The following ROBO1 variants were observed in gnomAD, a reference collection of about 807,000 sequenced individuals.
ROBO1 encodes roundabout guidance receptor 1.
A neutral mutation model predicts 195.9 loss-of-function variants in ROBO1; 149 were observed. That is an observed-to-expected ratio of 0.76 (90% CI 0.67 to 0.87). The LOEUF (loss-of-function observed/expected upper bound fraction) is 0.87, where lower values mean the gene tolerates loss of function less well. Among genes scored for constraint, ROBO1 ranks in the 40% least tolerant of loss-of-function variants. ROBO1 has a pLI of 0.00. For synonymous variants in ROBO1, 816 were observed against 733.2 expected, an observed-to-expected ratio of 1.11 and a Z score of -1.82; for missense variants, 1,933 against 2,068.3, an observed-to-expected ratio of 0.93 and a Z score of 1.27.
chr3:78,656,968 T>C (rs184429910), intron 18 of ROBO1, 130 bp downstream of exon 18: 2 of 823,986 alleles, frequency 2.4e-6, no homozygotes, highest in Non-Finnish European at 3.6e-6. Context: ...AACACCTTTT[T>C]GTAGCTCTAA....
rs149774371 is a variant in ROBO1 at position 79,433,782 on chromosome 3, C to T, written c.88+156042G>A. ...CAAAAGAACAAAGCTGGAGGCATCA[C>T]GCTATCTGACTTCAAACTATACTAC... is the stretch of plus-strand genomic sequence containing the variant. On this transcript the variant is annotated intron_variant, in intron 2 of 30. Transcript: ENST00000464233. Among the ~76,000 whole-genome samples the T allele has an allele frequency of 6.1e-3, 933 of 152,254 alleles. 3 individuals carry two copies. The highest frequency in any genetic ancestry group is 0.01 in the Non-Finnish European group (687 of 68,012).
chr3:78,759,939 G>A (rs1410612741), intron 4 of ROBO1, among the ~76,000 whole-genome samples: 2 of 152,198 alleles, frequency 1.3e-5, no homozygotes, highest in African/African-American at 4.8e-5. Flanking sequence ...TATGGAGAGT[G>A]AGAATCTGGA....
At chr3:79,223,059 G>A (rs1217616620) in intron 2 of ROBO1, among the ~76,000 whole-genome samples, 1 of 152,102 alleles carries the variant, frequency 6.6e-6, no homozygotes, top group East Asian at 1.9e-4. Flanking sequence ...GTACTAATTG[G>A]AAGAGGGACA....
intron 1 of ROBO1, among the ~76,000 whole-genome samples, chr3:79,623,820 A>G (rs1033157155): frequency 2.6e-5 from 4 of 152,206 alleles, no homozygotes; most frequent in Non-Finnish European, 4.4e-5. Context: ...AGACGGGACA[A>G]CATGCAAATT....
chr3:79,097,713 A>G (rs1370735425), intron 3 of ROBO1, among the ~76,000 whole-genome samples: 3 of 151,772 alleles, frequency 2.0e-5, no homozygotes, highest in Admixed American at 1.3e-4. Context: ...AAAAAGCATC[A>G]TTAAGCAAGA....
chr3:79,098,517 A>G (rs976665825), intron 3 of ROBO1, among the ~76,000 whole-genome samples: 3 of 151,750 alleles, frequency 2.0e-5, no homozygotes, highest in Non-Finnish European at 4.4e-5. Context: ...CCCTTAAAGC[A>G]AAACACACAT....
intron 7 of ROBO1, chr3:78,714,816 A>G (rs2108054558): frequency 1.2e-5 from 3 of 257,088 alleles, no homozygotes; most frequent in East Asian, 1.6e-4. Context: ...GATAGTGACC[A>G]TTAATTAAAT....
chr3:79,557,741 A>ATATATATAT (rs1487088851), intron 2 of ROBO1, among the ~76,000 whole-genome samples: 2 of 105,972 alleles, frequency 1.9e-5, no homozygotes, highest in East Asian at 2.0e-4. Flanking sequence ...AAAACAAAAA[A>ATATATATAT]AAATATATAT....
At chr3:79,651,350 TATG>T (rs1946000943) in intron 1 of ROBO1, among the ~76,000 whole-genome samples, 1 of 152,148 alleles carries the variant, frequency 6.6e-6, no homozygotes, top group Admixed American at 6.6e-5. Context: ...TATGAATATT[TATG>T]ATATTTTTCT....
In ROBO1 at chr3:79,618,956, C is replaced by A. The variant is rs35031538; in HGVS notation, c.-50-28995G>T. On this transcript the variant is annotated intron_variant, in intron 1 of 30. Coordinates refer to ENST00000464233, the MANE Select transcript of ROBO1 (RefSeq NM_002941.4). The stretch of plus-strand genomic sequence containing the variant: ...GGACCCAAAACTCCAGCGCCAGTCA[C>A]GAACTCAGGAAGACAGTCTTCCCTT... Among the ~76,000 whole-genome samples, 161 of 152,168 alleles carry A rather than the reference C, an allele frequency of 1.1e-3. 1 individual carries two copies. Among genetic ancestry groups the A allele is most frequent in the African/African-American group, 3.5e-3 (144 of 41,486 alleles).
intron 2 of ROBO1, among the ~76,000 whole-genome samples, chr3:79,352,147 A>G (rs1327150562): frequency 6.6e-6 from 1 of 152,170 alleles, no homozygotes; most frequent in Non-Finnish European, 1.5e-5. Flanking sequence ...ATCCCATCAA[A>G]CTTAGATTTT....
intron 2 of ROBO1, among the ~76,000 whole-genome samples, chr3:79,433,025 T>C (rs1478054865): frequency 6.6e-6 from 1 of 152,200 alleles, no homozygotes; most frequent in Non-Finnish European, 1.5e-5. Context: ...AATGTCCAAC[T>C]TCTATTTGAA....
intron 2 of ROBO1, among the ~76,000 whole-genome samples, chr3:79,515,138 A>G (rs1940889037): frequency 6.6e-6 from 1 of 152,164 alleles, no homozygotes; most frequent in East Asian, 1.9e-4. Flanking sequence ...TTCATGGCTC[A>G]TGGCAGCATG....
intron 2 of ROBO1, among the ~76,000 whole-genome samples, chr3:79,186,093 T>C (rs1209997836): frequency 1.3e-5 from 2 of 152,114 alleles, no homozygotes; most frequent in Non-Finnish European, 2.9e-5. Flanking sequence ...GTGACCCTGC[T>C]ACTTAGTGAC....
intron 8 of ROBO1, among the ~76,000 whole-genome samples, chr3:78,704,867 G>C (rs548215823): frequency 6.6e-6 from 1 of 152,008 alleles, no homozygotes; most frequent in African/African-American, 2.4e-5. Flanking sequence ...CATTCACACA[G>C]TATGTTACAT....
intron 2 of ROBO1, among the ~76,000 whole-genome samples, chr3:79,583,923 T>G (rs2107797278): frequency 6.6e-6 from 1 of 152,104 alleles, no homozygotes; most frequent in East Asian, 1.9e-4. Context: ...TGACTCTAGA[T>G]ATTGCCAAGG....
Position 78,611,466 on chromosome 3 carries a change from C to T in ROBO1, c.4435+3182G>A, listed in dbSNP as rs149334554. Among the ~76,000 whole-genome samples the T allele has an allele frequency of 2.2e-3, 342 of 152,282 alleles. 1 individual carries two copies. The highest frequency in any genetic ancestry group is 7.9e-3 in the African/African-American group (328 of 41,556). The stretch of plus-strand genomic sequence containing the variant: ...TAAATATTCATATATCCTAATCCTA[C>T]CCTTTATCTGGGTTCAACTTGTAAG... On this transcript the variant is annotated intron_variant, in intron 28 of 30. Transcript: ENST00000464233.
At chr3:79,026,997 G>C (rs2078213750) in intron 3 of ROBO1, among the ~76,000 whole-genome samples, 1 of 151,904 alleles carries the variant, frequency 6.6e-6, no homozygotes, top group Admixed American at 6.6e-5. Flanking sequence ...ATTATGTTTA[G>C]TCCCACCTGT....
At chr3:79,387,371 A>C (rs909256120) in intron 2 of ROBO1, among the ~76,000 whole-genome samples, 1 of 151,562 alleles carries the variant, frequency 6.6e-6, no homozygotes, top group African/African-American at 2.4e-5. Context: ...TTTTTAAAAG[A>C]TTGTGTAAAG....
Sources: gnomAD v4.1 joint callset for allele counts (sites outside exome capture counted in the v4.1 genomes callset) on GRCh38, gnomAD v4.1.1 for gene constraint, MANE v1.5 for transcripts, NCBI Gene and HGNC (gene_info 2026-07-23, HGNC 2026-07-21) for gene names.